Variants in IMMP2L observed in about 807,000 individuals in gnomAD.
The protein encoded by IMMP2L is inner mitochondrial membrane peptidase subunit 2.
A neutral mutation model predicts 19.3 loss-of-function variants in IMMP2L; 18 were observed. That is an observed-to-expected ratio of 0.93 (90% CI 0.64 to 1.38). The LOEUF is 1.38. Among genes scored for constraint, IMMP2L ranks in the 40% most tolerant of loss-of-function variants. IMMP2L has a pLI of 0.00. For missense variants in IMMP2L, 233 were observed against 218.2 expected, an observed-to-expected ratio of 1.07 and a Z score of -0.43; for synonymous variants, 76 against 73.0, an observed-to-expected ratio of 1.04 and a Z score of -0.21.
chr7:111,559,932 G>A (rs1791826410), intron 1 of IMMP2L, among the ~76,000 whole-genome samples: 1 of 152,058 alleles, frequency 6.6e-6, no homozygotes, highest in African/African-American at 2.4e-5. Context: ...GTGGGGTGGA[G>A]TGAGGAGGGG....
chr7:111,120,957 C>G (rs1225930590), intron 3 of IMMP2L, among the ~76,000 whole-genome samples: 1 of 147,432 alleles, frequency 6.8e-6, no homozygotes, highest in Admixed American at 6.7e-5. Context: ...AAGCCATGAA[C>G]AGTTGAAAGA....
intron 1 of IMMP2L, among the ~76,000 whole-genome samples, chr7:111,558,148 G>C (rs1791595660): frequency 6.6e-6 from 1 of 152,188 alleles, no homozygotes; most frequent in African/African-American, 2.4e-5. Flanking sequence ...CAGAGAAAAA[G>C]ATGGTTCTTT....
chr7:111,061,672 A>C (rs1794029701), intron 3 of IMMP2L, among the ~76,000 whole-genome samples: 1 of 152,054 alleles, frequency 6.6e-6, no homozygotes, highest in Non-Finnish European at 1.5e-5. Flanking sequence ...GCTTTAGCAA[A>C]CTTCTAAGAG....
intron 3 of IMMP2L, chr7:111,122,482 G>T: frequency 3.6e-6 from 1 of 276,436 alleles, no homozygotes; most frequent in Non-Finnish European, 6.7e-6. Context: ...CTAAATAAAT[G>T]AATTACTCAA....
At chr7:110,808,272 C>G (rs763894597) in intron 5 of IMMP2L, among the ~76,000 whole-genome samples, 3 of 151,974 alleles carry the variant, frequency 2.0e-5, no homozygotes, top group Non-Finnish European at 4.4e-5. Flanking sequence ...TAGCCCACAC[C>G]TAGGAATTTG....
At chr7:111,249,746 T>C (rs1167312309) in intron 3 of IMMP2L, among the ~76,000 whole-genome samples, 2 of 152,270 alleles carry the variant, frequency 1.3e-5, no homozygotes, top group Admixed American at 6.5e-5. Context: ...AAACTAGGTA[T>C]TGAAAGAGCA....
chr7:111,267,344 A>T (rs1304309540), intron 3 of IMMP2L, among the ~76,000 whole-genome samples: 1 of 152,116 alleles, frequency 6.6e-6, no homozygotes, highest in East Asian at 1.9e-4. Flanking sequence ...GAAAATGTAA[A>T]ATTACTAAGA....
chr7:111,118,310 A>C (rs2129586559), intron 3 of IMMP2L, among the ~76,000 whole-genome samples: 1 of 152,282 alleles, frequency 6.6e-6, no homozygotes, highest in South Asian at 2.1e-4. Flanking sequence ...AAAGAAGCTA[A>C]AGAATAAAGA....
chr7:111,106,853 T>A (rs1310703038), intron 3 of IMMP2L, among the ~76,000 whole-genome samples: 1 of 151,502 alleles, frequency 6.6e-6, no homozygotes, highest in Admixed American at 6.6e-5. Flanking sequence ...AATTTAAAAA[T>A]AATTGGAGAA....
chr7:110,991,508 A>G (rs1173229782), intron 3 of IMMP2L, among the ~76,000 whole-genome samples: 2 of 152,142 alleles, frequency 1.3e-5, no homozygotes, highest in African/African-American at 4.8e-5. Context: ...CTCCATGGTA[A>G]CATTAAAAAC....
chr7:111,502,830 G>A (rs1844437164), intron 2 of IMMP2L, among the ~76,000 whole-genome samples: 1 of 151,074 alleles, frequency 6.6e-6, no homozygotes, highest in South Asian at 2.1e-4. Context: ...AGTGTGCAGA[G>A]GGAAATTTAT....
Position 110,896,638 on chromosome 7 carries a change from C to G in IMMP2L, c.306-9943G>C, listed in dbSNP as rs1355598064. ...TTCAAAAATTTTTAATTTCAAAATACTGAGGTATTTTCGTATGTTATTTTA... is the reference window on the plus strand; with the variant it reads ...TTCAAAAATTTTTAATTTCAAAATAGTGAGGTATTTTCGTATGTTATTTTA... On this transcript the variant is annotated intron_variant, in intron 4 of 5. Coordinates refer to ENST00000405709, the MANE Select transcript of IMMP2L (RefSeq NM_032549.4). Among the ~76,000 whole-genome samples the G allele has an allele frequency of 7.3e-5, 2 of 27,468 alleles. 1 individual carries two copies. The highest frequency in any genetic ancestry group is 1.2e-3 in the African/African-American group (2 of 1,640). 18.0% of individuals were successfully genotyped at this position (27,468 alleles called of 152,430 possible).
At chr7:110,900,359 A>C (rs1369341962) in intron 4 of IMMP2L, among the ~76,000 whole-genome samples, 1 of 152,182 alleles carries the variant, frequency 6.6e-6, no homozygotes, top group Non-Finnish European at 1.5e-5. Flanking sequence ...AAAAAGGCAA[A>C]AAAAATCCAG....
intron 3 of IMMP2L, among the ~76,000 whole-genome samples, chr7:111,076,441 T>A (rs540078072): frequency 0.01 from 1,584 of 152,236 alleles, 27 homozygotes; most frequent in African/African-American, 0.035. Context: ...GATTTTTTGT[T>A]TTTTGGCCCC....
chr7:110,916,448 T>C (rs1216085293), intron 4 of IMMP2L, among the ~76,000 whole-genome samples: 1 of 152,244 alleles, frequency 6.6e-6, no homozygotes, highest in African/African-American at 2.4e-5. Flanking sequence ...GCCATTCTAC[T>C]ATTATATAAA....
At chr7:111,322,601 A>T (rs184662515) in intron 3 of IMMP2L, among the ~76,000 whole-genome samples, 27 of 151,528 alleles carry the variant, frequency 1.8e-4, no homozygotes, top group Admixed American at 5.3e-4. Flanking sequence ...ACTGAATTTT[A>T]AAAAAAATTA....
At chr7:111,209,814 G>A (rs1182155698) in intron 3 of IMMP2L, among the ~76,000 whole-genome samples, 2 of 152,002 alleles carry the variant, frequency 1.3e-5, no homozygotes, top group Non-Finnish European at 2.9e-5. Flanking sequence ...GAGGTGGGCA[G>A]GACACTTACA....
At chr7:111,330,159 G>A (rs1055270564) in intron 3 of IMMP2L, among the ~76,000 whole-genome samples, 1 of 151,276 alleles carries the variant, frequency 6.6e-6, no homozygotes, top group African/African-American at 2.4e-5. Context: ...ATTGAACACA[G>A]AAAGAAAAGA....
intron 3 of IMMP2L, among the ~76,000 whole-genome samples, chr7:111,400,659 T>C (rs1833339556): frequency 6.6e-6 from 1 of 152,120 alleles, no homozygotes; most frequent in Non-Finnish European, 1.5e-5. Context: ...TAAATTTGTG[T>C]GTAGATATAC....
Sources: allele counts gnomAD v4.1 joint callset (sites outside exome capture counted in the v4.1 genomes callset), GRCh38; gene constraint gnomAD v4.1.1; transcripts MANE v1.5; gene names NCBI Gene and HGNC (gene_info 2026-07-23, HGNC 2026-07-21).